MIA2: variants seen among roughly 807,000 people sequenced by gnomAD.
The protein encoded by MIA2 is melanoma inhibitory activity protein 2.
MIA2 carries 127 observed loss-of-function variants against 167.8 expected under a neutral mutation model. That is an observed-to-expected ratio of 0.76 (90% CI 0.66 to 0.88). The LOEUF is 0.88. Ranked by LOEUF, MIA2 falls within the 40% of genes least tolerant of loss-of-function variation. The pLI, the probability that MIA2 is intolerant of heterozygous loss-of-function variation, is 0.00. For missense variants in MIA2, 1,690 were observed against 1,624.7 expected, an observed-to-expected ratio of 1.04 and a Z score of -0.69; for synonymous variants, 552 against 541.9, an observed-to-expected ratio of 1.02 and a Z score of -0.26.
At chr14:39,302,073 A>C in intron 14 of MIA2, 56 bp from the exon 15 acceptor site, 1 of 1,557,810 alleles carries the variant, frequency 6.4e-7, no homozygotes, top group Non-Finnish European at 8.7e-7. Context: ...ACAAGTTGTA[A>C]AGCTGTTAGC....
chr14:39,343,486 C>T (rs1417624342), intron 25 of MIA2, among the ~76,000 whole-genome samples: 1 of 149,276 alleles, frequency 6.7e-6, no homozygotes, highest in African/African-American at 2.5e-5. Context: ...TCGCCCTCAA[C>T]AGAAGCTGTG....
intron 25 of MIA2, among the ~76,000 whole-genome samples, chr14:39,339,275 C>T (rs991842102): frequency 1.3e-5 from 2 of 152,088 alleles, no homozygotes; most frequent in Admixed American, 1.3e-4. Flanking sequence ...GGCCCGCAGC[C>T]CAGGGGTTAG....
At position 39,382,832 on chromosome 14, in the gene MIA2, G is replaced by A. The variant is rs375242319; in HGVS notation, c.2249-4053G>A. On this transcript the variant is annotated intron_variant, in intron 23 of 23. Transcript: ENST00000341502. The stretch of plus-strand genomic sequence containing the variant: ...ATAAGAGATGTCTAGTAACAAAAAT[G>A]TGTTCTAGTTTATTATTTGAAATAC... 3.7e-4 allele frequency among the ~76,000 whole-genome samples: 56 copies of A among 151,942 alleles called. 1 individual carries two copies. In the South Asian group the frequency reaches 0.011, roughly 30 times the overall value.
intron 25 of MIA2, among the ~76,000 whole-genome samples, chr14:39,344,102 A>T (rs998988451): frequency 4.6e-5 from 7 of 152,214 alleles, no homozygotes; most frequent in African/African-American, 1.7e-4. Context: ...CCTGACACAT[A>T]CTAGGCCTTG....
rs866163136 is a variant in MIA2, at chr14:39,285,561, C to T, written c.2131-5458C>T. On this transcript the variant is annotated intron_variant, in intron 9 of 28. Transcript: ENST00000640607. The stretch of plus-strand genomic sequence containing the variant: ...CTCCCGGACGGGATGGCTGGCCGGG[C>T]GGGGGCTGACCCCCCGACCTCCCTC... Among the ~76,000 whole-genome samples, 1,078 of 125,724 alleles carry T rather than the reference C, an allele frequency of 8.6e-3. 22 individuals carry two copies. The highest frequency in any genetic ancestry group is 0.031 in the African/African-American group (977 of 31,668). The allele number at this position is 125,724 out of a possible 152,430, so 82.5% of individuals were successfully genotyped here. A position where few individuals can be genotyped will look rare whatever the true frequency, so the allele number is the denominator to read the frequency against.
rs1430247061 is a variant in MIA2 at position 39,274,911 on chromosome 14, C to A, written c.1888-2023C>A. 2.0e-5 allele frequency among the ~76,000 whole-genome samples: 3 copies of A among 149,082 alleles called. No individual in the cohort carries two copies. The South Asian group carries it at 6.5e-4, about 32-fold the overall frequency. On this transcript the variant is annotated intron_variant, in intron 6 of 28. Coordinates refer to ENST00000640607, the MANE Select transcript of MIA2 (RefSeq NM_001329214.4). ...CCAACATGGTGAAACCCTGTCTCTA[C>A]TAAAAATATAAAAACTAGCCGGGCA...
chr14:39,321,209 A>G (rs1202987211), intron 24 of MIA2, among the ~76,000 whole-genome samples, 153 bp downstream of exon 24: 2 of 152,232 alleles, frequency 1.3e-5, no homozygotes, highest in Non-Finnish European at 1.5e-5. Flanking sequence ...AAGGAGCTCT[A>G]TGACATCTAA....
intron 1 of MIA2, among the ~76,000 whole-genome samples, chr14:39,235,789 T>C (rs528857757): frequency 1.3e-5 from 2 of 152,042 alleles, no homozygotes; most frequent in Admixed American, 6.6e-5. Context: ...AAAAAATATA[T>C]ATAAAGAAAA....
intron 25 of MIA2, among the ~76,000 whole-genome samples, chr14:39,331,282 G>A (rs2068810137): frequency 6.6e-6 from 1 of 151,948 alleles, no homozygotes; most frequent in Non-Finnish European, 1.5e-5. Flanking sequence ...TTACAACCCT[G>A]CTTTTTTTTG....
chr14:39,279,673 TCAA>T (rs2152752778), intron 9 of MIA2, 136 bp downstream of exon 9: 1 of 615,890 alleles, frequency 1.6e-6, no homozygotes, highest in East Asian at 2.8e-5. Flanking sequence ...CTCTTCATAT[TCAA>T]CACTTAACCA....
chr14:39,343,812 T>C (rs978987848), intron 25 of MIA2, among the ~76,000 whole-genome samples: 8 of 152,166 alleles, frequency 5.3e-5, no homozygotes, highest in African/African-American at 1.7e-4. Flanking sequence ...TATGTGCATA[T>C]GAGGGTGTGT....
chr14:39,313,227 T>G, intron 18 of MIA2, 113 bp from the exon 19 acceptor site: 1 of 502,404 alleles, frequency 2.0e-6, no homozygotes, highest in Non-Finnish European at 3.5e-6. Context: ...ATGTTTTCAG[T>G]GGTATTTTAG....
At chr14:39,344,756 CTTATTTT>C (rs968174869) in intron 25 of MIA2, among the ~76,000 whole-genome samples, 10 of 152,254 alleles carry the variant, frequency 6.6e-5, no homozygotes, top group Non-Finnish European at 1.2e-4. Flanking sequence ...TGTCGTTCTC[CTTATTTT>C]TGGAGTTGGA....
chr14:39,335,226 T>A (rs1426249528), intron 25 of MIA2, among the ~76,000 whole-genome samples: 1 of 152,204 alleles, frequency 6.6e-6, no homozygotes, highest in African/African-American at 2.4e-5. Flanking sequence ...AAGATTTTTC[T>A]TAAATTTTAA....
chr14:39,334,596 C>T lies in MIA2; in HGVS notation c.3655+7574C>T, dbSNP rs1259319992. Among the ~76,000 whole-genome samples, 5 of 149,782 alleles carry T rather than the reference C, an allele frequency of 3.3e-5. No individual in the cohort carries two copies. The East Asian group carries it at 7.9e-4, about 24-fold the overall frequency. ...GCTTTTTTTTTTTGAAGTGGAGTTT[C>T]ACCTTTGTCATCCAGGCTGGGGTGC... On this transcript the variant is annotated intron_variant, in intron 25 of 28. Transcript: ENST00000640607.
At position 39,317,997 on chromosome 14, in the gene MIA2, T is replaced by C. The variant is rs373017934; in HGVS notation, c.3270T>C (p.Ala1090=). The C allele has an allele frequency of 1.0e-5, 16 of 1,583,426 alleles. No individual in the cohort carries two copies. Among genetic ancestry groups the C allele is most frequent in the East Asian group, 2.3e-5 (1 of 43,354 alleles). Residue 1090 remains alanine, a synonymous_variant, in exon 22 of 29, where the codon GCT becomes GCC. Coordinates refer to ENST00000640607, the MANE Select transcript of MIA2 (RefSeq NM_001329214.4). ...RNLNDLRKEN[A]HNRQKLTETE... ...TCAATGATTTAAGGAAAGAAAATGC[T>C]CACAACAGACAAAAGTAAGTATCTT... is the stretch of plus-strand genomic sequence containing the variant.
chr14:39,284,918 C>G (rs2152780908), intron 9 of MIA2, among the ~76,000 whole-genome samples: 1 of 152,010 alleles, frequency 6.6e-6, no homozygotes, highest in South Asian at 2.1e-4. Flanking sequence ...TGTTTGTGTC[C>G]CTGGGTACTT....
At chr14:39,260,428 G>T (rs1407512443) in intron 6 of MIA2, among the ~76,000 whole-genome samples, 1 of 152,110 alleles carries the variant, frequency 6.6e-6, no homozygotes, top group Admixed American at 6.6e-5. Flanking sequence ...ATCTCATTGT[G>T]GTTTTGATTT....
In MIA2 at chr14:39,302,123, G is replaced by A; in HGVS notation, c.2620-6G>A. 6.2e-7 allele frequency: 1 copy of A among 1,612,978 alleles called. No individual in the cohort carries two copies. The highest frequency in any genetic ancestry group is 1.3e-5 in the African/African-American group (1 of 75,018). ...TCTCTATTTTTCCCCTTTGTTCAAT[G>A]TCAAGACTCTGACTGAACGCTTGTT... On this transcript the variant is annotated splice_polypyrimidine_tract_variant and splice_region_variant and intron_variant, in intron 14 of 28. Transcript: ENST00000640607.
Sources: allele counts gnomAD v4.1 joint callset (sites outside exome capture counted in the v4.1 genomes callset), GRCh38; gene constraint gnomAD v4.1.1; transcripts MANE v1.5; gene names NCBI Gene and HGNC (gene_info 2026-07-23, HGNC 2026-07-21).